Variants in EEF1A1 observed in about 807,000 individuals in gnomAD.
The protein encoded by EEF1A1 is elongation factor 1-alpha 1.
In EEF1A1, 1 loss-of-function variant was observed where a neutral mutation model predicts 38.5. That is an observed-to-expected ratio of 0.03 (90% CI 0.01 to 0.12). The LOEUF (loss-of-function observed/expected upper bound fraction) is 0.12. EEF1A1 is among the 10% of genes least tolerant of loss of function. EEF1A1 has a pLI of 1.00. For missense variants in EEF1A1, 184 were observed against 588.3 expected, an observed-to-expected ratio of 0.31 and a Z score of 7.11; for synonymous variants, 229 against 203.7, an observed-to-expected ratio of 1.12 and a Z score of -1.06.
At position 73,521,005 on chromosome 6, in the gene EEF1A1, T is replaced by C. The variant is rs1210249408; in HGVS notation, c.-36A>G. On this transcript the variant is annotated 5_prime_UTR_variant, in exon 1 of 8. Coordinates refer to ENST00000309268, the MANE Select transcript of EEF1A1 (RefSeq NM_001402.6). Reference sequence around the variant, plus strand: ...GAACCACACACGGCACTTACCTGTGTTCTGGCGGCAAACCCGTTGCGAAAA... The same window carrying C: ...GAACCACACACGGCACTTACCTGTGCTCTGGCGGCAAACCCGTTGCGAAAA... 6.5e-6 allele frequency: 1 copy of C among 153,168 alleles called. No individual in the cohort carries two copies. Among genetic ancestry groups the C allele is most frequent in the Non-Finnish European group, 1.5e-5 (1 of 68,504 alleles). 9.5% of individuals were successfully genotyped at this position (153,168 alleles called of 1,614,324 possible).
At position 73,517,885 on chromosome 6, in the gene EEF1A1, G is replaced by T. The variant is rs768178036; in HGVS notation, c.1314C>A (p.Ile438=). The T allele has an allele frequency of 3.7e-6, 6 of 1,611,462 alleles. No homozygotes were observed. The highest frequency in any genetic ancestry group is 3.3e-5 in the South Asian group (3 of 90,790). Residue 438 remains isoleucine (I), a synonymous_variant, in exon 8 of 8, where the codon ATC becomes ATA. Coordinates refer to ENST00000309268, the MANE Select transcript of EEF1A1 (RefSeq NM_001402.6). ...DMRQTVAVGV[I]KAVDKKAAGA... Reference sequence around the variant, plus strand: ...CAGCAGCCTTCTTGTCCACTGCTTTGATGACACCCACCGCAACTGTCTGTC... The same window carrying T: ...CAGCAGCCTTCTTGTCCACTGCTTTTATGACACCCACCGCAACTGTCTGTC...
chr6:73,517,605 T>G lies in EEF1A1; in HGVS notation c.*205A>C, dbSNP rs1453205701. 2 of 436,908 alleles carry G rather than the reference T, an allele frequency of 4.6e-6. No homozygotes were observed. The highest frequency in any genetic ancestry group is 4.1e-6 in the Non-Finnish European group (1 of 246,802). 27.1% of individuals were successfully genotyped at this position (436,908 alleles called of 1,614,324 possible). A position where few individuals can be genotyped will look rare whatever the true frequency, so the allele number is the denominator to read the frequency against. The stretch of plus-strand genomic sequence containing the variant: ...ATTAAAAAGTACTGATTTTAAAAAC[T>G]AATAACTTAAAACTGCCACACGCAA... On this transcript the variant is annotated 3_prime_UTR_variant, in exon 8 of 8. Transcript: ENST00000309268.
At chr6:73,518,322 T>C (rs377086995) in intron 6 of EEF1A1, 32 bp downstream of exon 6, 22 of 1,611,752 alleles carry the variant, frequency 1.4e-5, no homozygotes, top group Non-Finnish European at 1.9e-5. Flanking sequence ...CTTTAGCCTC[T>C]GCAATAAGTT....
At chr6:73,519,673 T>C (rs760302998) in intron 2 of EEF1A1, among the ~76,000 whole-genome samples, 157 bp from the exon 3 acceptor site, 7 of 152,120 alleles carry the variant, frequency 4.6e-5, no homozygotes, top group Non-Finnish European at 1.0e-4. Context: ...AAATCAAACT[T>C]TTATAAGTCG....
rs1341004494 is a variant in EEF1A1 at position 73,518,753 on chromosome 6, A to G, written c.717T>C (p.Thr239=). 2 of 1,614,220 alleles carry G rather than the reference A, an allele frequency of 1.2e-6. No individual in the cohort carries two copies. The highest frequency in any genetic ancestry group is 1.7e-6 in the Non-Finnish European group (2 of 1,180,034). The part of the protein sequence containing the change: ...LEALDCILPP[T]RPTDKPLRLP... ...GGCGCAAGGGCTTGTCAGTTGGACG[A>G]GTTGGTGGTAGGATGCAGTCCAGAG... The change falls in exon 5 of 8, where the codon ACT becomes ACC. Residue 239 remains threonine, a synonymous_variant. Transcript: ENST00000309268.
intron 1 of EEF1A1, 90 bp downstream of exon 1, chr6:73,520,910 T>G (rs1480793561): frequency 6.5e-6 from 1 of 152,706 alleles, no homozygotes; most frequent in East Asian, 1.9e-4. Flanking sequence ...AATCACGTAC[T>G]GCAGCCAGGG....
chr6:73,520,144 G>T, intron 1 of EEF1A1, 88 bp from the exon 2 acceptor site: 1 of 1,294,244 alleles, frequency 7.7e-7, no homozygotes, highest in Non-Finnish European at 1.0e-6. Context: ...ATTCCAAGGA[G>T]AATTACATCA....
At position 73,516,230 on chromosome 6, in the gene EEF1A1, A is replaced by G. The variant is rs1361522690; in HGVS notation, c.*1580T>C. 6.6e-6 allele frequency: 1 copy of G among 152,190 alleles called. No individual in the cohort carries two copies. Among genetic ancestry groups the G allele is most frequent in the Non-Finnish European group, 1.5e-5 (1 of 68,046 alleles). The allele number at this position is 152,190 out of a possible 1,614,324, so 9.4% of individuals were successfully genotyped here. A position where few individuals can be genotyped will look rare whatever the true frequency, so the allele number is the denominator to read the frequency against. On this transcript the variant is annotated 3_prime_UTR_variant, in exon 8 of 8. Coordinates refer to ENST00000309268, the MANE Select transcript of EEF1A1 (RefSeq NM_001402.6). ...AGACTTGTCTATGGCCAATTCAAGT[A>G]CCTTTGAATCTTGAGCAATACACAT...
intron 1 of EEF1A1, chr6:73,520,742 T>C (rs1253143292): frequency 6.6e-6 from 1 of 152,288 alleles, no homozygotes; most frequent in Non-Finnish European, 1.5e-5. Flanking sequence ...TAGAGACTTA[T>C]CGAAAGCAGC....
intron 2 of EEF1A1, among the ~76,000 whole-genome samples, 164 bp downstream of exon 2, chr6:73,519,719 C>T (rs982901689): frequency 2.0e-5 from 3 of 152,170 alleles, no homozygotes; most frequent in African/African-American, 4.8e-5. Flanking sequence ...TACTCACTAG[C>T]AATACGATTA....
At chr6:73,520,960 TAA>T (rs1765641544) in intron 1 of EEF1A1, 38 bp downstream of exon 1, 2 of 152,862 alleles carry the variant, frequency 1.3e-5, no homozygotes, top group Non-Finnish European at 1.5e-5. Context: ...CCATAACCCG[TAA>T]AGAGGCCAGG....
rs1765545078 is a variant in EEF1A1 at position 73,517,334 on chromosome 6, C to T, written c.*476G>A. The T allele has an allele frequency of 6.4e-6, 1 of 155,086 alleles. No individual in the cohort carries two copies. The highest frequency in any genetic ancestry group is 2.4e-5 in the African/African-American group (1 of 41,454). The allele number at this position is 155,086 out of a possible 1,614,324, so 9.6% of individuals were successfully genotyped here. ...TCTCCAGTGTTGTAATCAAAGCAAC[C>T]CTCCCATAGCTTTAAATGATATTCC... On this transcript the variant is annotated 3_prime_UTR_variant, in exon 8 of 8. Transcript: ENST00000309268.
At chr6:73,519,688 T>A (rs1765603306) in intron 2 of EEF1A1, among the ~76,000 whole-genome samples, 172 bp from the exon 3 acceptor site, 1 of 152,188 alleles carries the variant, frequency 6.6e-6, no homozygotes, top group South Asian at 2.1e-4. Flanking sequence ...AAGTCGGATC[T>A]TAACTATTAA....
In EEF1A1 at chr6:73,515,899, C is replaced by T. The variant is rs1765503098; in HGVS notation, c.*1911G>A. 1 of 152,198 alleles carries T rather than the reference C, an allele frequency of 6.6e-6. No homozygotes were observed. The highest frequency in any genetic ancestry group is 1.5e-5 in the Non-Finnish European group (1 of 68,050). The allele number at this position is 152,198 out of a possible 1,614,324, so 9.4% of individuals were successfully genotyped here. ...CAAGTAAACTGACTCATTCCTGCTT[C>T]CAGTGGGAACAATTTTTCAGTTAAA... On this transcript the variant is annotated 3_prime_UTR_variant, in exon 8 of 8. Transcript: ENST00000309268.
In EEF1A1 at chr6:73,518,037, T is replaced by A; in HGVS notation, c.1257A>T (p.Pro419=). The change falls in exon 7 of 8, where the codon CCA becomes CCT. Residue 419 remains proline, a synonymous_variant. Transcript: ENST00000309268. ...TTAAGTAGTCATCCTTACCCAAAGG[T>A]GGATAGTCTGAGAAGCTCTCAACAC... ...PMCVESFSDY[P]PLGRFAVRDM... 1 of 1,593,966 alleles carries A rather than the reference T, an allele frequency of 6.3e-7. No homozygotes were observed. Among genetic ancestry groups the A allele is most frequent in the East Asian group, 2.3e-5 (1 of 44,286 alleles).
Position 73,518,729 on chromosome 6 carries a change from G to A in EEF1A1, c.741C>T (p.Arg247=). The A allele has an allele frequency of 6.2e-7, 1 of 1,614,174 alleles. No individual in the cohort carries two copies. The highest frequency in any genetic ancestry group is 1.3e-5 in the African/African-American group (1 of 75,046). The stretch of plus-strand genomic sequence containing the variant: ...TTTTGTAGACATCCTGGAGAGGCAG[G>A]CGCAAGGGCTTGTCAGTTGGACGAG... ...PPTRPTDKPL[R]LPLQDVYKIG... Residue 247 remains arginine (R), a synonymous_variant, in exon 5 of 8, where the codon CGC becomes CGT. Transcript: ENST00000309268.
At position 73,515,851 on chromosome 6, in the gene EEF1A1, G is replaced by A. The variant is rs939550716; in HGVS notation, c.*1959C>T. The A allele has an allele frequency of 4.6e-5, 7 of 152,058 alleles. No individual in the cohort carries two copies. Among genetic ancestry groups the A allele is most frequent in the Admixed American group, 6.5e-5 (1 of 15,274 alleles). The allele number at this position is 152,058 out of a possible 1,614,324, so 9.4% of individuals were successfully genotyped here. A position where few individuals can be genotyped will look rare whatever the true frequency, so the allele number is the denominator to read the frequency against. On this transcript the variant is annotated 3_prime_UTR_variant, in exon 8 of 8. Coordinates refer to ENST00000309268, the MANE Select transcript of EEF1A1 (RefSeq NM_001402.6). The stretch of plus-strand genomic sequence containing the variant: ...TCTAAGACACTGGGTTTCACAGGAA[G>A]TTAATCTCAATCTCAGTATATGCAA...
chr6:73,520,167 G>T, intron 1 of EEF1A1, 111 bp from the exon 2 acceptor site: 2 of 1,059,036 alleles, frequency 1.9e-6, no homozygotes. Flanking sequence ...TGCCAAGCTG[G>T]CCTAACTTCA....
At chr6:73,519,689 T>C (rs1765603369) in intron 2 of EEF1A1, among the ~76,000 whole-genome samples, 173 bp from the exon 3 acceptor site, 1 of 152,194 alleles carries the variant, frequency 6.6e-6, no homozygotes, top group South Asian at 2.1e-4. Flanking sequence ...AGTCGGATCT[T>C]AACTATTAAC....
Sources: gnomAD v4.1 joint callset for allele counts (sites outside exome capture counted in the v4.1 genomes callset) on GRCh38, gnomAD v4.1.1 for gene constraint, MANE v1.5 for transcripts, NCBI Gene and HGNC (gene_info 2026-07-23, HGNC 2026-07-21) for gene names.